SLC4A10: variants seen among roughly 807,000 people sequenced by gnomAD.
The protein encoded by SLC4A10 is sodium-driven chloride bicarbonate exchanger.
SLC4A10 carries 42 observed loss-of-function variants against 137.7 expected under a neutral mutation model. The ratio of observed to expected loss-of-function variants is 0.30; its 90% CI spans 0.24 to 0.39. The LOEUF (loss-of-function observed/expected upper bound fraction) is 0.39. SLC4A10 is among the 10% of genes least tolerant of loss of function. The pLI, the probability that SLC4A10 is intolerant of heterozygous loss-of-function variation, is 1.00. For missense variants in SLC4A10, 925 were observed against 1,355.0 expected (o/e 0.68, Z 4.98); for synonymous variants, 474 against 464.1 (o/e 1.02, Z -0.27).
chr2:161,866,652 G>T (rs964321664), intron 6 of SLC4A10, among the ~76,000 whole-genome samples: 7 of 151,874 alleles, frequency 4.6e-5, no homozygotes, highest in Non-Finnish European at 8.8e-5. Context: ...AAGGGTATGG[G>T]TGGTAAAGCA....
chr2:161,669,563 T>A (rs2039461390), intron 1 of SLC4A10, among the ~76,000 whole-genome samples: 1 of 151,982 alleles, frequency 6.6e-6, no homozygotes, highest in Admixed American at 6.6e-5. Context: ...CTAATGTGAG[T>A]GACATACTTT....
At chr2:161,686,627 T>C (rs2041435224) in intron 1 of SLC4A10, among the ~76,000 whole-genome samples, 1 of 152,190 alleles carries the variant, frequency 6.6e-6, no homozygotes, top group African/African-American at 2.4e-5. Flanking sequence ...TATTACAACA[T>C]TGTTTACAAT....
chr2:161,886,288 G>A (rs1259640805), intron 10 of SLC4A10, among the ~76,000 whole-genome samples: 1 of 151,980 alleles, frequency 6.6e-6, no homozygotes, highest in Non-Finnish European at 1.5e-5. Flanking sequence ...AGAACACATA[G>A]TAGCTACTTG....
chr2:161,866,241 A>G (rs2060740143), intron 6 of SLC4A10, among the ~76,000 whole-genome samples: 3 of 151,992 alleles, frequency 2.0e-5, no homozygotes, highest in Admixed American at 2.0e-4. Context: ...CAGACACTGT[A>G]TTTCAAACGG....
intron 3 of SLC4A10, among the ~76,000 whole-genome samples, chr2:161,819,617 C>A (rs901846885): frequency 2.0e-5 from 3 of 152,060 alleles, no homozygotes; most frequent in African/African-American, 7.2e-5. Flanking sequence ...GCCTCAGCCT[C>A]CTGAGTAGCT....
intron 1 of SLC4A10, among the ~76,000 whole-genome samples, chr2:161,740,988 G>A (rs1051036538): frequency 6.6e-6 from 1 of 152,080 alleles, no homozygotes. Flanking sequence ...TGTGGCAAAA[G>A]CACCTAAACG....
At chr2:161,884,099 T>C (rs1283506442) in intron 10 of SLC4A10, among the ~76,000 whole-genome samples, 1 of 152,154 alleles carries the variant, frequency 6.6e-6, no homozygotes, top group East Asian at 1.9e-4. Context: ...ACACCTGATT[T>C]AGCAGAACTC....
intron 1 of SLC4A10, among the ~76,000 whole-genome samples, chr2:161,711,833 A>T (rs894609194): frequency 1.3e-4 from 19 of 151,788 alleles, no homozygotes; most frequent in Admixed American, 8.6e-4. Context: ...CTGATGTGTA[A>T]TATAGGGATA....
At chr2:161,902,212 A>G (rs1158373311) in intron 12 of SLC4A10, 81 of 405,648 alleles carry the variant, frequency 2.0e-4, no homozygotes, top group Non-Finnish European at 2.2e-4. Context: ...CTAAAAGCAC[A>G]TTTATTACAC....
rs752056848 is a variant in SLC4A10, at chr2:161,804,590, C to A, written c.272C>A (p.Ser91Tyr). ...TTAGAGGATGGAAGGGAGTCACCTT[C>A]TTTTGGTAAGAATCCTTCTCCTTGT... ...SGLEDGRESP[S>Y]FDTPSQRVQF... The change falls in exon 3 of 27, where the codon TCT becomes TAT. Residue 91 changes from serine (S) to tyrosine (Y), a missense_variant. This residue lies in a region of SLC4A10 where 138 missense variants were observed against 171.3 expected (regional missense o/e 0.81). Coordinates refer to ENST00000446997, the MANE Select transcript of SLC4A10 (RefSeq NM_001178015.2). The A allele has an allele frequency of 6.2e-7, 1 of 1,607,882 alleles. No individual in the cohort carries two copies. The highest frequency in any genetic ancestry group is 2.2e-5 in the East Asian group (1 of 44,646).
intron 1 of SLC4A10, among the ~76,000 whole-genome samples, chr2:161,707,040 A>G (rs2043750265): frequency 6.6e-6 from 1 of 151,618 alleles, no homozygotes. Context: ...ATATAGAAAG[A>G]GAGACGATGT....
intron 4 of SLC4A10, among the ~76,000 whole-genome samples, chr2:161,853,419 C>T (rs1238449635): frequency 6.6e-6 from 1 of 152,160 alleles, no homozygotes; most frequent in African/African-American, 2.4e-5. Flanking sequence ...ATTAAATACT[C>T]CAGTCTGAAA....
At chr2:161,936,158 C>A (rs577083642) in intron 15 of SLC4A10, among the ~76,000 whole-genome samples, 6 of 152,116 alleles carry the variant, frequency 3.9e-5, no homozygotes, top group Admixed American at 3.9e-4. Flanking sequence ...ATGAATTATT[C>A]TTTTACTGTG....
At chr2:161,645,092 G>A (rs921567458) in intron 1 of SLC4A10, among the ~76,000 whole-genome samples, 4 of 152,066 alleles carry the variant, frequency 2.6e-5, no homozygotes, top group African/African-American at 9.7e-5. Context: ...ATTCTCAAAA[G>A]TAAAATGGTT....
chr2:161,664,732 G>A (rs761398312), intron 1 of SLC4A10, among the ~76,000 whole-genome samples: 20 of 149,138 alleles, frequency 1.3e-4, no homozygotes, highest in Non-Finnish European at 3.0e-4. Context: ...CCAATTTTTA[G>A]GGTGTTGAGT....
chr2:161,710,845 A>T (rs1215389073), intron 1 of SLC4A10: 3 of 300,698 alleles, frequency 1.0e-5, no homozygotes, highest in Non-Finnish European at 2.0e-5. Context: ...ATTTGGTGTT[A>T]TGAGGAATGC....
chr2:161,810,599 G>C (rs1482306687), intron 3 of SLC4A10, among the ~76,000 whole-genome samples: 1 of 151,900 alleles, frequency 6.6e-6, no homozygotes, highest in African/African-American at 2.4e-5. Flanking sequence ...TCTCTTGAAG[G>C]CCTTTTCTGT....
chr2:161,657,169 T>C (rs1041538765), intron 1 of SLC4A10, among the ~76,000 whole-genome samples: 1 of 151,994 alleles, frequency 6.6e-6, no homozygotes, highest in Non-Finnish European at 1.5e-5. Context: ...TTAATATATA[T>C]GAATATTGAG....
In SLC4A10 at chr2:161,965,134, C is replaced by T. The variant is rs61748243; in HGVS notation, c.3120C>T (p.Pro1040=). ...TCAGCTGGTTGGATGATTTGATGCC[C>T]GAGAGTAAGAAAAAGAAACTGGAAG... ...RELSWLDDLM[P]ESKKKKLEDA... Residue 1040 remains proline (P), a synonymous_variant, in exon 23 of 27, where the codon CCC becomes CCT. Transcript: ENST00000446997. 24,056 of 1,609,384 alleles carry T rather than the reference C, an allele frequency of 0.015. 363 individuals carry two copies. Among genetic ancestry groups the T allele is most frequent in the East Asian group, 0.085 (3,784 of 44,680 alleles).
Sources: allele counts gnomAD v4.1 joint callset (sites outside exome capture counted in the v4.1 genomes callset), GRCh38; gene constraint gnomAD v4.1.1; regional missense constraint gnomAD v4.1.1; transcripts MANE v1.5; gene names NCBI Gene and HGNC (gene_info 2026-07-23, HGNC 2026-07-21).